Variants in MYH15 observed in about 807,000 individuals in gnomAD.
MYH15 encodes the protein myosin-15.
Under a neutral mutation model 240.5 loss-of-function variants are expected in MYH15, and 227 were observed. The ratio of observed to expected loss-of-function variants is 0.94; its 90% CI spans 0.85 to 1.05. The LOEUF (loss-of-function observed/expected upper bound fraction) is 1.05. MYH15 is among the 50% of genes least tolerant of loss of function. MYH15 has a pLI of 0.00. For synonymous variants in MYH15, 785 were observed against 796.7 expected, an observed-to-expected ratio of 0.99 and a Z score of 0.25; for missense variants, 2,217 against 2,247.5, an observed-to-expected ratio of 0.99 and a Z score of 0.27.
chr3:108,529,754 C>T (rs1490642305), upstream of MYH15, among the ~76,000 whole-genome samples: 1 of 152,154 alleles, frequency 6.6e-6, no homozygotes, highest in African/African-American at 2.4e-5. Context: ...GGGGAGCAAA[C>T]AAGGTGAGCT....
rs114351002 is a variant in MYH15, at chr3:108,383,219, T to C, written c.5766+376A>G. On this transcript the variant is annotated intron_variant, in intron 40 of 40. Transcript: ENST00000693548. ...TATGGTACAAAGTCACGTATGTGTCTACTGTGGAAAGAGTTCATTCTGAAT... is the reference window on the plus strand; with the variant it reads ...TATGGTACAAAGTCACGTATGTGTCCACTGTGGAAAGAGTTCATTCTGAAT... Among the ~76,000 whole-genome samples the C allele has an allele frequency of 8.3e-3, 1,259 of 152,306 alleles. 20 individuals are homozygous for C. Among genetic ancestry groups the C allele is most frequent in the African/African-American group, 0.029 (1,193 of 41,560 alleles).
upstream of MYH15, among the ~76,000 whole-genome samples, chr3:108,513,157 C>A (rs182391213): frequency 5.9e-5 from 9 of 152,150 alleles, no homozygotes; most frequent in East Asian, 1.7e-3. Flanking sequence ...ATTAACCTTG[C>A]CAGCAAAAGA....
chr3:108,409,695 A>G (rs1362487573), intron 31 of MYH15, among the ~76,000 whole-genome samples: 1 of 152,236 alleles, frequency 6.6e-6, no homozygotes, highest in African/African-American at 2.4e-5. Context: ...ATAAGTTGGC[A>G]GCCTCTTTGA....
chr3:108,457,391 A>G (rs1411353572), intron 18 of MYH15, among the ~76,000 whole-genome samples: 1 of 152,148 alleles, frequency 6.6e-6, no homozygotes, highest in Non-Finnish European at 1.5e-5. Flanking sequence ...CACATCCCAG[A>G]CTTCATTCTC....
the MYH15 span, among the ~76,000 whole-genome samples, chr3:108,538,379 A>G: frequency 5.3e-5 from 8 of 152,250 alleles, no homozygotes; most frequent in Admixed American, 5.2e-4. Context: ...CTGATCAATG[A>G]GACTAGAGGA....
At chr3:108,397,749 T>G (rs2082472985) in intron 35 of MYH15, among the ~76,000 whole-genome samples, 1 of 152,210 alleles carries the variant, frequency 6.6e-6, no homozygotes, top group Non-Finnish European at 1.5e-5. Context: ...GTGTATCATA[T>G]TTGTCAGCAG....
intron 16 of MYH15, among the ~76,000 whole-genome samples, chr3:108,462,896 G>A (rs1398966124): frequency 6.6e-6 from 1 of 151,984 alleles, no homozygotes; most frequent in African/African-American, 2.4e-5. Flanking sequence ...ACAAAAGCAG[G>A]CCAGGAACAG....
At chr3:108,519,270 C>A (rs1197492878) in intron 1 of MYH15, among the ~76,000 whole-genome samples, 1 of 152,060 alleles carries the variant, frequency 6.6e-6, no homozygotes, top group Non-Finnish European at 1.5e-5. Flanking sequence ...AACTGGTATA[C>A]CATATCAAGA....
chr3:108,475,994 C>T (rs570370579), intron 12 of MYH15, among the ~76,000 whole-genome samples: 7 of 152,276 alleles, frequency 4.6e-5, no homozygotes, highest in Non-Finnish European at 7.4e-5. Flanking sequence ...TCTCAACTAA[C>T]GTGTCACCAT....
At chr3:108,435,494 C>T (rs1032624409) in intron 25 of MYH15, among the ~76,000 whole-genome samples, 2 of 151,952 alleles carry the variant, frequency 1.3e-5, no homozygotes, top group African/African-American at 4.8e-5. Context: ...CCTTGGCAAC[C>T]ACTTTTCTAT....
At chr3:108,504,195 G>C (rs1305518081) in intron 2 of MYH15, among the ~76,000 whole-genome samples, 2 of 152,148 alleles carry the variant, frequency 1.3e-5, no homozygotes, top group African/African-American at 4.8e-5. Flanking sequence ...ATTTCTTTGG[G>C]GGATCTTTTC....
chr3:108,489,386 A>C (rs1202461897), intron 9 of MYH15, among the ~76,000 whole-genome samples: 1 of 152,216 alleles, frequency 6.6e-6, no homozygotes, highest in African/African-American at 2.4e-5. Context: ...GAAAGAAAAA[A>C]AGTCAAAAGA....
At chr3:108,501,940 C>T in intron 2 of MYH15, 85 bp from the exon 3 acceptor site, 1 of 1,442,924 alleles carries the variant, frequency 6.9e-7, no homozygotes, top group Non-Finnish European at 9.5e-7. Flanking sequence ...AATATTCAGA[C>T]TCAAAAAGAA....
intron 40 of MYH15, 109 bp downstream of exon 40, chr3:108,383,486 A>C: frequency 8.4e-7 from 1 of 1,196,222 alleles, no homozygotes; most frequent in Non-Finnish European, 1.1e-6. Flanking sequence ...TATCTTTTAA[A>C]AGCTTTTAAG....
intron 1 of MYH15, among the ~76,000 whole-genome samples, chr3:108,506,888 G>A (rs916589705): frequency 1.5e-4 from 23 of 152,128 alleles, no homozygotes; most frequent in Non-Finnish European, 8.8e-5. Context: ...AAAATTAGCT[G>A]GGCATGGTGG....
intron 25 of MYH15, among the ~76,000 whole-genome samples, chr3:108,431,336 G>C (rs2082777657): frequency 1.3e-5 from 2 of 152,176 alleles, no homozygotes; most frequent in African/African-American, 2.4e-5. Context: ...CATGTTGTAG[G>C]GGGGACCCAG....
chr3:108,515,962 T>A (rs927827873), intron 1 of MYH15, among the ~76,000 whole-genome samples: 1 of 152,160 alleles, frequency 6.6e-6, no homozygotes, highest in African/African-American at 2.4e-5. Flanking sequence ...TCTAGTCTTC[T>A]TACTGCTGAC....
At chr3:108,472,678 G>C (rs2083187100) in intron 12 of MYH15, among the ~76,000 whole-genome samples, 1 of 152,162 alleles carries the variant, frequency 6.6e-6, no homozygotes, top group African/African-American at 2.4e-5. Context: ...GAGTGGGAGA[G>C]ACACTGTTAG....
intron 32 of MYH15, among the ~76,000 whole-genome samples, chr3:108,407,663 C>A (rs1011919810): frequency 6.6e-6 from 1 of 152,158 alleles, no homozygotes; most frequent in Non-Finnish European, 1.5e-5. Flanking sequence ...GACAACATCA[C>A]TTTGAATCTT....
Sources: allele counts gnomAD v4.1 joint callset (sites outside exome capture counted in the v4.1 genomes callset), GRCh38; gene constraint gnomAD v4.1.1; transcripts MANE v1.5; gene names NCBI Gene and HGNC (gene_info 2026-07-23, HGNC 2026-07-21).